Variants in ZCRB1 observed in about 807,000 individuals in gnomAD.
The protein encoded by ZCRB1 is zinc finger CCHC-type and RNA binding motif containing 1.
A neutral mutation model predicts 29.9 loss-of-function variants in ZCRB1; 21 were observed. That is an observed-to-expected ratio of 0.70 (90% confidence interval 0.50 to 1.01). The LOEUF is 1.01. Ranked by LOEUF, ZCRB1 falls within the 50% of genes least tolerant of loss-of-function variation. ZCRB1 has a pLI of 0.00. For missense variants in ZCRB1, 204 were observed against 253.3 expected (o/e 0.81, Z 1.32); for synonymous variants, 77 against 80.0 (o/e 0.96, Z 0.20).
At chr12:42,316,831 G>A (rs1466897908) in intron 5 of ZCRB1, among the ~76,000 whole-genome samples, 4 of 152,154 alleles carry the variant, frequency 2.6e-5, no homozygotes, top group African/African-American at 9.7e-5. Flanking sequence ...AGGAACTAGA[G>A]AAAATACCAC....
intron 2 of ZCRB1, among the ~76,000 whole-genome samples, chr12:42,323,344 C>G (rs1446607101): frequency 6.6e-6 from 1 of 152,114 alleles, no homozygotes; most frequent in Non-Finnish European, 1.5e-5. Context: ...TCGTATAAGG[C>G]ACCTCGAGTG....
intron 3 of ZCRB1, among the ~76,000 whole-genome samples, chr12:42,321,427 T>G (rs2068620813): frequency 2.6e-5 from 4 of 152,188 alleles, no homozygotes; most frequent in Admixed American, 2.6e-4. Context: ...AGTACCTACC[T>G]TAAAGGGTAG....
In ZCRB1 at chr12:42,313,787, T is replaced by C. The variant is rs748049225; in HGVS notation, c.447-22A>G. The C allele has an allele frequency of 8.1e-6, 13 of 1,613,452 alleles. No individual in the cohort carries two copies. The East Asian group carries it at 2.7e-4, about 33-fold the overall frequency. On this transcript the variant is annotated intron_variant, in intron 6 of 7. Coordinates refer to ENST00000266529, the MANE Select transcript of ZCRB1 (RefSeq NM_033114.4). ...CTCACTTAAATAAAGAAAAACAAAT[T>C]GGAATGTAACCAACCAATAATCAAA...
At chr12:42,313,239 A>T in intron 7 of ZCRB1, 41 bp from the exon 8 acceptor site, 1 of 1,577,834 alleles carries the variant, frequency 6.3e-7, no homozygotes, top group East Asian at 2.3e-5. Flanking sequence ...AACCTGTTTA[A>T]TATTATTTAT....
chr12:42,319,825 G>A (rs1189921294), intron 3 of ZCRB1, among the ~76,000 whole-genome samples: 1 of 152,106 alleles, frequency 6.6e-6, no homozygotes, highest in African/African-American at 2.4e-5. Flanking sequence ...GGGAAAGACA[G>A]ACCAAAAAAA....
Position 42,317,576 on chromosome 12 carries a change from A to G in ZCRB1, c.226-129T>C. ...TTTTAGCAATTGTCACTTAGGTGTG[A>G]TAAATTCTATTCTGTAGTATTCTTA... On this transcript the variant is annotated intron_variant, in intron 4 of 7. Transcript: ENST00000266529. The G allele has an allele frequency of 3.5e-6, 3 of 852,534 alleles. No individual in the cohort carries two copies. In the South Asian group the frequency reaches 5.5e-5, roughly 16 times the overall value. The allele number at this position is 852,534 out of a possible 1,614,324, so 52.8% of individuals were successfully genotyped here.
chr12:42,318,751 A>C (rs2068607061), intron 3 of ZCRB1, among the ~76,000 whole-genome samples: 1 of 152,200 alleles, frequency 6.6e-6, no homozygotes, highest in Admixed American at 6.5e-5. Context: ...AGAGTGCGTG[A>C]GCGAGTGAGA....
chr12:42,323,552 T>C (rs1293190484), intron 2 of ZCRB1: 1 of 152,696 alleles, frequency 6.5e-6, no homozygotes, highest in African/African-American at 2.4e-5. Flanking sequence ...TTTTTCTCCT[T>C]AGCACCTAAC....
chr12:42,320,032 T>C (rs2068613972), intron 3 of ZCRB1, among the ~76,000 whole-genome samples: 1 of 151,808 alleles, frequency 6.6e-6, no homozygotes, highest in Non-Finnish European at 1.5e-5. Context: ...CCTTCTGTGG[T>C]AACAGAAAAA....
intron 6 of ZCRB1, 48 bp from the exon 7 acceptor site, chr12:42,313,813 A>T: frequency 6.2e-7 from 1 of 1,611,926 alleles, no homozygotes; most frequent in Non-Finnish European, 8.5e-7. Context: ...AATAATCAAA[A>T]GCAACCAACC....
At chr12:42,325,401 T>C (rs554111431) in intron 1 of ZCRB1, 3 of 152,218 alleles carry the variant, frequency 2.0e-5, no homozygotes, top group Non-Finnish European at 4.4e-5. Context: ...ATTGCCAAAT[T>C]ATGAAATGAT....
intron 3 of ZCRB1, among the ~76,000 whole-genome samples, chr12:42,319,753 C>T (rs1005778367): frequency 4.6e-5 from 7 of 152,170 alleles, no homozygotes; most frequent in African/African-American, 1.7e-4. Context: ...TTAAGGCTGT[C>T]TCTGTAATCC....
intron 3 of ZCRB1, among the ~76,000 whole-genome samples, chr12:42,321,669 T>C (rs2137532990): frequency 6.6e-6 from 1 of 152,224 alleles, no homozygotes; most frequent in South Asian, 2.1e-4. Flanking sequence ...GAGCTTCAAC[T>C]GTTTAATATC....
chr12:42,320,715 G>C (rs939598080), intron 3 of ZCRB1, among the ~76,000 whole-genome samples: 15 of 152,272 alleles, frequency 9.9e-5, no homozygotes, highest in Admixed American at 8.5e-4. Flanking sequence ...TTCCCAAAGT[G>C]CTGGGATTAC....
chr12:42,323,541 T>C (rs538133600), intron 2 of ZCRB1, among the ~76,000 whole-genome samples: 1 of 152,296 alleles, frequency 6.6e-6, no homozygotes, highest in South Asian at 2.1e-4. Flanking sequence ...TCCTGCGTTA[T>C]TTTTTCTCCT....
intron 5 of ZCRB1, 93 bp downstream of exon 5, chr12:42,317,246 AG>A (rs1164975524): frequency 1.4e-5 from 11 of 784,136 alleles, no homozygotes; most frequent in Non-Finnish European, 2.2e-5. Context: ...AATCTGGTTT[AG>A]CCAGTCAGAA....
intron 5 of ZCRB1, among the ~76,000 whole-genome samples, chr12:42,314,770 G>A (rs1393185729): frequency 6.6e-6 from 1 of 151,996 alleles, no homozygotes; most frequent in Non-Finnish European, 1.5e-5. Flanking sequence ...TGGCCAACAT[G>A]GGGAAACCCT....
At chr12:42,313,571 TA>T in intron 7 of ZCRB1, 118 bp downstream of exon 7, 1 of 1,088,226 alleles carries the variant, frequency 9.2e-7, no homozygotes, top group Non-Finnish European at 1.3e-6. Context: ...GCTTGTCTCC[TA>T]AGGCTTAGGA....
intron 2 of ZCRB1, among the ~76,000 whole-genome samples, chr12:42,323,318 C>A (rs1448032799): frequency 1.3e-5 from 2 of 152,122 alleles, no homozygotes; most frequent in Non-Finnish European, 2.9e-5. Context: ...AGAGTCCTTA[C>A]CATGATGTAA....
Sources: allele counts gnomAD v4.1 joint callset (sites outside exome capture counted in the v4.1 genomes callset), GRCh38; gene constraint gnomAD v4.1.1; transcripts MANE v1.5; gene names NCBI Gene and HGNC (gene_info 2026-07-23, HGNC 2026-07-21).